The following ARHGAP5 variants were observed in gnomAD, a reference collection of about 807,000 sequenced individuals.
ARHGAP5 encodes rho GTPase-activating protein 5.
Under a neutral mutation model 116.6 loss-of-function variants are expected in ARHGAP5, and 23 were observed. The ratio of observed to expected loss-of-function variants is 0.20; its 90% CI spans 0.14 to 0.28. The LOEUF (loss-of-function observed/expected upper bound fraction) is 0.28. Among genes scored for constraint, ARHGAP5 ranks in the 10% least tolerant of loss-of-function variants. ARHGAP5 has a pLI of 1.00. For synonymous variants in ARHGAP5, 574 were observed against 602.0 expected (o/e 0.95, Z 0.68); for missense variants, 1,405 against 1,774.8 (o/e 0.79, Z 3.74).
At chr14:32,082,510 G>C (rs1027875070) in intron 1 of ARHGAP5, among the ~76,000 whole-genome samples, 1 of 152,040 alleles carries the variant, frequency 6.6e-6, no homozygotes, top group African/African-American at 2.4e-5. Context: ...CAGTTACCAA[G>C]CTCTCTTTGT....
At chr14:32,144,175 A>T (rs1433658441) in intron 3 of ARHGAP5, among the ~76,000 whole-genome samples, 2 of 152,204 alleles carry the variant, frequency 1.3e-5, no homozygotes, top group African/African-American at 4.8e-5. Context: ...AATGAGGAAG[A>T]AATGTTTCAA....
intron 4 of ARHGAP5, 137 bp from the exon 5 acceptor site, chr14:32,149,765 C>G (rs1270277081): frequency 2.3e-6 from 1 of 433,230 alleles, no homozygotes; most frequent in Non-Finnish European, 3.8e-6. Flanking sequence ...AAAAGTAAAA[C>G]TCAGTCTCAA....
At chr14:32,097,354 T>A (rs923430582) in intron 2 of ARHGAP5, among the ~76,000 whole-genome samples, 1 of 152,148 alleles carries the variant, frequency 6.6e-6, no homozygotes. Context: ...TACATGTAGT[T>A]TACCTCATCA....
At chr14:32,140,087 G>GTT (rs1881028802) in intron 3 of ARHGAP5, among the ~76,000 whole-genome samples, 32 of 29,842 alleles carry the variant, frequency 1.1e-3, no homozygotes, top group African/African-American at 1.3e-3. Flanking sequence ...TTTTTTTTAG[G>GTT]TTATTTGTTC....
In ARHGAP5 at chr14:32,157,853, CTAAT is replaced by C. The variant is rs771814128; in HGVS notation, c.*2910_*2913del. ...GTTTTTTTTTTTGAGGTACTGGAAT[CTAAT>C]TAATATCTCTTAGGTATCAACAAAA... On this transcript the variant is annotated 3_prime_UTR_variant, in exon 7 of 7. Transcript: ENST00000345122. 48 of 149,538 alleles carry C rather than the reference CTAAT, an allele frequency of 3.2e-4. No homozygotes were observed. In the East Asian group the frequency reaches 7.8e-3, roughly 24 times the overall value. The allele number at this position is 149,538 out of a possible 1,614,324, so 9.3% of individuals were successfully genotyped here. A position where few individuals can be genotyped will look rare whatever the true frequency, so the allele number is the denominator to read the frequency against.
intron 2 of ARHGAP5, among the ~76,000 whole-genome samples, chr14:32,116,005 C>G (rs1367180278): frequency 6.7e-6 from 1 of 149,068 alleles, no homozygotes; most frequent in Non-Finnish European, 1.5e-5. Context: ...AAAAAAAAAG[C>G]TACTGGGCGC....
intron 1 of ARHGAP5, among the ~76,000 whole-genome samples, chr14:32,085,183 C>T (rs574248633): frequency 1.2e-4 from 18 of 152,074 alleles, no homozygotes; most frequent in Non-Finnish European, 2.2e-4. Context: ...AGGTGGCTCA[C>T]GTCTGTAATA....
rs1222629309 is a variant in ARHGAP5 at position 32,158,028 on chromosome 14, T to A, written c.*3080T>A. On this transcript the variant is annotated 3_prime_UTR_variant, in exon 7 of 7. Transcript: ENST00000345122. ...TCAAAAGTGCTTTTGTTTCTTTGTT[T>A]AATGTAATTTTTGTGCTTCACCTAC... The A allele has an allele frequency of 6.6e-6, 1 of 151,792 alleles. No individual in the cohort carries two copies. Among genetic ancestry groups the A allele is most frequent in the Non-Finnish European group, 1.5e-5 (1 of 67,732 alleles). 9.4% of individuals were successfully genotyped at this position (151,792 alleles called of 1,614,324 possible).
chr14:32,144,565 C>A (rs1392829981), intron 3 of ARHGAP5, among the ~76,000 whole-genome samples: 6 of 151,974 alleles, frequency 3.9e-5, no homozygotes, highest in African/African-American at 1.5e-4. Flanking sequence ...CTCACTGCAA[C>A]CTCTGCCTCC....
chr14:32,085,194 C>A (rs1465693613), intron 1 of ARHGAP5, among the ~76,000 whole-genome samples: 1 of 152,012 alleles, frequency 6.6e-6, no homozygotes, highest in Non-Finnish European at 1.5e-5. Flanking sequence ...GTCTGTAATA[C>A]CCATACCTTG....
chr14:32,144,482 A>T (rs139958410), intron 3 of ARHGAP5, among the ~76,000 whole-genome samples: 68 of 151,162 alleles, frequency 4.5e-4, no homozygotes, highest in African/African-American at 1.5e-3. Context: ...ATTTATATTT[A>T]TATTTATTTA....
intron 3 of ARHGAP5, among the ~76,000 whole-genome samples, chr14:32,125,130 C>T (rs982241950): frequency 6.6e-6 from 1 of 152,066 alleles, no homozygotes; most frequent in Non-Finnish European, 1.5e-5. Flanking sequence ...TCATTTACCC[C>T]GAAGAAAACC....
At chr14:32,113,097 A>T (rs1191915043) in intron 2 of ARHGAP5, among the ~76,000 whole-genome samples, 1 of 152,210 alleles carries the variant, frequency 6.6e-6, no homozygotes, top group Non-Finnish European at 1.5e-5. Flanking sequence ...TACATAAATC[A>T]TTTTGAGTTG....
chr14:32,087,965 A>G (rs899113071), intron 1 of ARHGAP5, among the ~76,000 whole-genome samples: 4 of 151,910 alleles, frequency 2.6e-5, no homozygotes, highest in African/African-American at 9.7e-5. Flanking sequence ...TAATGCCTCC[A>G]CTCTTCATTT....
At chr14:32,123,725 G>GA (rs1337876431) in intron 3 of ARHGAP5, among the ~76,000 whole-genome samples, 2 of 151,876 alleles carry the variant, frequency 1.3e-5, no homozygotes, top group East Asian at 1.9e-4. Context: ...TGGAGAAAAA[G>GA]AAAAAAATAG....
chr14:32,133,923 G>C (rs1880646146), intron 3 of ARHGAP5, among the ~76,000 whole-genome samples: 1 of 152,072 alleles, frequency 6.6e-6, no homozygotes, highest in Non-Finnish European at 1.5e-5. Context: ...TTGCATCCCA[G>C]GGATGTCCAA....
At chr14:32,118,759 A>G (rs1246670565) in intron 3 of ARHGAP5, among the ~76,000 whole-genome samples, 1 of 152,156 alleles carries the variant, frequency 6.6e-6, no homozygotes, top group African/African-American at 2.4e-5. Context: ...AAGAATTCTC[A>G]TTTTCTCTAG....
chr14:32,103,475 T>A (rs2139041513), intron 2 of ARHGAP5, among the ~76,000 whole-genome samples: 1 of 152,330 alleles, frequency 6.6e-6, no homozygotes, highest in African/African-American at 2.4e-5. Flanking sequence ...GTACTGAATA[T>A]TTTGTAAAAG....
At chr14:32,146,703 A>G (rs1881395384) in intron 4 of ARHGAP5, among the ~76,000 whole-genome samples, 1 of 152,230 alleles carries the variant, frequency 6.6e-6, no homozygotes, top group South Asian at 2.1e-4. Context: ...AGAAAATACA[A>G]TATTGTATAA....
Sources: allele counts gnomAD v4.1 joint callset (sites outside exome capture counted in the v4.1 genomes callset), GRCh38; gene constraint gnomAD v4.1.1; transcripts MANE v1.5; gene names NCBI Gene and HGNC (gene_info 2026-07-23, HGNC 2026-07-21).